APBA2: variants seen among roughly 807,000 people sequenced by gnomAD.
APBA2 encodes amyloid beta precursor protein binding family A member 2.
APBA2 carries 30 observed loss-of-function variants against 75.0 expected under a neutral mutation model. The observed-to-expected ratio is 0.40, with a 90% confidence interval of 0.30 to 0.54. The LOEUF (loss-of-function observed/expected upper bound fraction) is 0.54. Ranked by LOEUF, APBA2 falls within the 20% of genes least tolerant of loss-of-function variation. The probability of loss-of-function intolerance (pLI) is 0.49; values close to 1 mark genes in which losing one functional copy is unlikely to be tolerated. For synonymous variants in APBA2, 444 were observed against 409.6 expected (o/e 1.08, Z -1.01); for missense variants, 801 against 1,016.1 (o/e 0.79, Z 2.88).
At chr15:29,079,589 C>T (rs1187218819) in intron 6 of APBA2, among the ~76,000 whole-genome samples, 2 of 152,084 alleles carry the variant, frequency 1.3e-5, no homozygotes, top group African/African-American at 4.8e-5. Flanking sequence ...TGGAATCAGC[C>T]CTGGGTGCCT....
At chr15:28,908,214 T>C (rs897744312) in intron 1 of APBA2, among the ~76,000 whole-genome samples, 1 of 152,180 alleles carries the variant, frequency 6.6e-6, no homozygotes, top group Non-Finnish European at 1.5e-5. Context: ...CCATCTTCCC[T>C]GACTCCTGCC....
At chr15:29,024,131 T>G (rs1358308254) in intron 3 of APBA2, among the ~76,000 whole-genome samples, 4 of 152,124 alleles carry the variant, frequency 2.6e-5, no homozygotes, top group African/African-American at 4.8e-5. Flanking sequence ...CTCGAACTGC[T>G]GACCTCAAGT....
intron 1 of APBA2, among the ~76,000 whole-genome samples, chr15:28,907,931 G>A (rs149567610): frequency 6.7e-4 from 102 of 152,362 alleles, no homozygotes; most frequent in African/African-American, 2.3e-3. Context: ...GACATATACA[G>A]GGGGAACCCT....
chr15:29,033,251 T>TG (rs2040573823), intron 3 of APBA2, among the ~76,000 whole-genome samples: 2 of 152,200 alleles, frequency 1.3e-5, no homozygotes, highest in Admixed American at 6.5e-5. Flanking sequence ...CTCTCCTCTT[T>TG]GATGTCCTTT....
chr15:28,983,075 G>T (rs940019331), intron 2 of APBA2, among the ~76,000 whole-genome samples: 1 of 152,200 alleles, frequency 6.6e-6, no homozygotes, highest in Non-Finnish European at 1.5e-5. Flanking sequence ...CCCACTGATG[G>T]AGTTAGCTGG....
intron 2 of APBA2, among the ~76,000 whole-genome samples, chr15:28,929,924 A>C (rs1189809477): frequency 6.6e-6 from 1 of 152,176 alleles, no homozygotes; most frequent in Non-Finnish European, 1.5e-5. Context: ...TTCTTGTATG[A>C]GGAAGTGTAG....
chr15:28,903,989 T>A (rs182321798), intron 1 of APBA2, among the ~76,000 whole-genome samples: 33 of 152,310 alleles, frequency 2.2e-4, no homozygotes, highest in Non-Finnish European at 1.5e-5. Flanking sequence ...TATGAAACTG[T>A]TATTTCTGTA....
chr15:28,937,781 C>T (rs200311061), intron 2 of APBA2, among the ~76,000 whole-genome samples: 3 of 152,034 alleles, frequency 2.0e-5, no homozygotes, highest in African/African-American at 7.2e-5. Context: ...CTCAGCCTCC[C>T]GAGTAGCTGG....
rs1054090571 is a variant in APBA2, at chr15:29,086,374, G to A, written c.1070-6701G>A. Among the ~76,000 whole-genome samples the A allele has an allele frequency of 4.3e-4, 65 of 152,298 alleles. 2 individuals are homozygous for A. The highest frequency in any genetic ancestry group is 1.5e-3 in the African/African-American group (64 of 41,576). On this transcript the variant is annotated intron_variant, in intron 6 of 14. Coordinates refer to ENST00000683413, the MANE Select transcript of APBA2 (RefSeq NM_001353788.2). ...CACAGAAACTCTCAGATAATCCACG[G>A]TTGTTGTTTTGAGCCACTAAATTCC...
At chr15:28,895,985 C>T (rs561850917) in intron 1 of APBA2, among the ~76,000 whole-genome samples, 84 of 152,158 alleles carry the variant, frequency 5.5e-4, no homozygotes, top group Non-Finnish European at 1.1e-3. Context: ...TGGTGGCTCA[C>T]GTGTGTGGTC....
At position 29,004,078 on chromosome 15, in the gene APBA2, G is replaced by A. The variant is rs139221946; in HGVS notation, c.-41+8272G>A. On this transcript the variant is annotated intron_variant, in intron 3 of 14. Transcript: ENST00000683413. Reference sequence around the variant, plus strand: ...GTCTCCCACTAACCTCAGGGTCACAGTGGGCTGGTGGCTGTAGCATGCTCC... The same window carrying A: ...GTCTCCCACTAACCTCAGGGTCACAATGGGCTGGTGGCTGTAGCATGCTCC... Among the ~76,000 whole-genome samples, 456 of 152,318 alleles carry A rather than the reference G, an allele frequency of 3.0e-3. 1 individual carries two copies. Among genetic ancestry groups the A allele is most frequent in the African/African-American group, 0.01 (435 of 41,564 alleles).
At chr15:29,074,846 C>A in intron 4 of APBA2, 75 bp from the exon 5 acceptor site, 2 of 1,357,528 alleles carry the variant, frequency 1.5e-6, no homozygotes, top group Non-Finnish European at 2.1e-6. Flanking sequence ...AATTGTATCA[C>A]ATTGCATATT....
At chr15:29,060,787 AT>A (rs35218266) in intron 4 of APBA2, among the ~76,000 whole-genome samples, 3,368 of 150,300 alleles carry the variant, frequency 0.022, 61 homozygotes, top group African/African-American at 0.053. Flanking sequence ...TAACGTATTG[AT>A]TTTTTTTTTC....
chr15:28,904,252 C>T (rs551572092), intron 1 of APBA2, among the ~76,000 whole-genome samples: 17 of 152,262 alleles, frequency 1.1e-4, no homozygotes, highest in African/African-American at 1.7e-4. Context: ...CTGGGCACCC[C>T]GGCTCCCAGC....
rs375839889 is a variant in APBA2 at position 28,997,676 on chromosome 15, C to A, written c.-41+1870C>A. On this transcript the variant is annotated intron_variant, in intron 3 of 14. Coordinates refer to ENST00000683413, the MANE Select transcript of APBA2 (RefSeq NM_001353788.2). ...GCTTCTTGACGTTTTCCTTATGGAA[C>A]CTGGGGTGTCATTACATTCTGTTAG... 2.6e-5 allele frequency among the ~76,000 whole-genome samples: 4 copies of A among 152,252 alleles called. No homozygotes were observed. In the East Asian group the frequency reaches 5.8e-4, roughly 22 times the overall value.
chr15:29,021,270 T>C (rs372793283), intron 3 of APBA2, among the ~76,000 whole-genome samples: 1 of 152,106 alleles, frequency 6.6e-6, no homozygotes, highest in Non-Finnish European at 1.5e-5. Context: ...GGCTCATGCC[T>C]GTAATCCCAG....
At chr15:29,001,574 G>A (rs1448458784) in intron 3 of APBA2, among the ~76,000 whole-genome samples, 4 of 152,202 alleles carry the variant, frequency 2.6e-5, no homozygotes, top group Non-Finnish European at 2.9e-5. Context: ...TTGGGGGCGG[G>A]TAGATTGTGA....
At chr15:28,992,721 GAGA>G in intron 2 of APBA2, among the ~76,000 whole-genome samples, 1 of 152,224 alleles carries the variant, frequency 6.6e-6, no homozygotes, top group Non-Finnish European at 1.5e-5. Context: ...CTGCACCCTG[GAGA>G]AGAAGGGAGC....
chr15:29,044,518 G>T (rs997892911), intron 3 of APBA2: 1 of 152,008 alleles, frequency 6.6e-6, no homozygotes, highest in Non-Finnish European at 1.5e-5. Flanking sequence ...AGAAGCAAAG[G>T]ACCTGAGTGT....
Sources: gnomAD v4.1 joint callset for allele counts (sites outside exome capture counted in the v4.1 genomes callset) on GRCh38, gnomAD v4.1.1 for gene constraint, MANE v1.5 for transcripts, NCBI Gene and HGNC (gene_info 2026-07-23, HGNC 2026-07-21) for gene names.